Variants in SGCD observed in about 807,000 individuals in gnomAD.
SGCD encodes delta-sarcoglycan.
Under a neutral mutation model 36.6 loss-of-function variants are expected in SGCD, and 18 were observed. The observed-to-expected ratio is 0.49, with a 90% CI of 0.34 to 0.73. The LOEUF (loss-of-function observed/expected upper bound fraction) is 0.73. Among genes scored for constraint, SGCD ranks in the 30% least tolerant of loss-of-function variants. The pLI is 0.01. For synonymous variants in SGCD, 133 were observed against 130.6 expected (o/e 1.02, Z -0.12); for missense variants, 387 against 346.7 (o/e 1.12, Z -0.92).
At chr5:155,806,364 A>G in the SGCD span, among the ~76,000 whole-genome samples, 1 of 152,172 alleles carries the variant, frequency 6.6e-6, no homozygotes, top group Non-Finnish European at 1.5e-5. Flanking sequence ...CATTTTGGCC[A>G]GGCTGGTCTT....
chr5:156,261,432 T>G (rs1425283890), intron 3 of SGCD, among the ~76,000 whole-genome samples: 1 of 152,302 alleles, frequency 6.6e-6, no homozygotes, highest in East Asian at 1.9e-4. Flanking sequence ...AGATTATAAA[T>G]GGAGATGAAA....
chr5:156,197,510 A>G (rs959920069), intron 3 of SGCD, among the ~76,000 whole-genome samples: 6 of 140,322 alleles, frequency 4.3e-5, no homozygotes, highest in Middle Eastern at 3.7e-3. Flanking sequence ...TGGCCTTTAT[A>G]GCTCACAGTA....
chr5:155,842,127 G>A, the SGCD span, among the ~76,000 whole-genome samples: 2 of 152,054 alleles, frequency 1.3e-5, no homozygotes, highest in South Asian at 2.1e-4. Context: ...GGAAGAAAGC[G>A]AGAAAGATGC....
chr5:156,620,992 TA>T (rs1220574815), intron 6 of SGCD, among the ~76,000 whole-genome samples: 4 of 152,220 alleles, frequency 2.6e-5, no homozygotes, highest in Non-Finnish European at 4.4e-5. Flanking sequence ...TCTCATGGTT[TA>T]AAAATGAAAG....
At chr5:156,328,347 A>T (rs1472528969) in intron 1 of SGCD, among the ~76,000 whole-genome samples, 2 of 152,208 alleles carry the variant, frequency 1.3e-5, no homozygotes, top group Non-Finnish European at 2.9e-5. Context: ...GTTTTTTCCG[A>T]ACGGGGCTTG....
Position 156,682,049 on chromosome 5 carries a change from A to T in SGCD, c.575+34513A>T, listed in dbSNP as rs533344675. ...TGGATTTAATGAAAACCTGCTTAGA[A>T]TCTATATAAAAAGGGTAAAAATTGA... On this transcript the variant is annotated intron_variant, in intron 7 of 8. Transcript: ENST00000337851. Among the ~76,000 whole-genome samples the T allele has an allele frequency of 2.9e-4, 44 of 152,352 alleles. 1 individual carries two copies. In the South Asian group the frequency reaches 9.1e-3, roughly 32 times the overall value.
chr5:156,005,210 A>G (rs1465900018), intron 1 of SGCD, among the ~76,000 whole-genome samples: 1 of 152,118 alleles, frequency 6.6e-6, no homozygotes. Flanking sequence ...GTTGAGAAGG[A>G]TCCCGATACT....
chr5:156,384,661 G>T (rs7702643), intron 3 of SGCD, among the ~76,000 whole-genome samples: 1 of 134,704 alleles, frequency 7.4e-6, no homozygotes, highest in Non-Finnish European at 1.6e-5. Flanking sequence ...ATCTCAAAAA[G>T]ATGTGCATTT....
chr5:156,158,593 A>G (rs1763017103), intron 3 of SGCD, among the ~76,000 whole-genome samples: 1 of 151,482 alleles, frequency 6.6e-6, no homozygotes, highest in Non-Finnish European at 1.5e-5. Context: ...GGCCACACCC[A>G]ACCAGGGATG....
chr5:156,726,213 T>TTA lies in SGCD; in HGVS notation c.576-31366_576-31365dup, dbSNP rs1311958626. Reference sequence around the variant, plus strand: ...TCAGAGACCTTGCCTATTACAATAATTATGAGGAGGGTCAGCCTCAGACCC... The same window carrying TTA: ...TCAGAGACCTTGCCTATTACAATAATTATATGAGGAGGGTCAGCCTCAGACCC... On this transcript the variant is annotated intron_variant, in intron 7 of 8. Coordinates refer to ENST00000337851, the MANE Select transcript of SGCD (RefSeq NM_000337.6). Among the ~76,000 whole-genome samples the TTA allele has an allele frequency of 2.6e-5, 4 of 152,212 alleles. No individual in the cohort carries two copies. The East Asian group carries it at 5.8e-4, about 22-fold the overall frequency.
At position 156,212,780 on chromosome 5, in the gene SGCD, T is replaced by C. The variant is rs536334777; in HGVS notation, c.-44+88761T>C. Among the ~76,000 whole-genome samples, 135 of 152,212 alleles carry C rather than the reference T, an allele frequency of 8.9e-4. 1 individual carries two copies. Among genetic ancestry groups the C allele is most frequent in the Non-Finnish European group, 1.2e-3 (84 of 67,936 alleles). ...GCAAGTCTTAATGCATTTAAGAAGA[T>C]TGAAATTCTATCAAGTATTATTTTC... On this transcript the variant is annotated intron_variant, in intron 3 of 9. Coordinates refer to the SGCD transcript ENST00000517913.
At chr5:156,038,648 C>T (rs762042376) in intron 1 of SGCD, among the ~76,000 whole-genome samples, 45 of 151,738 alleles carry the variant, frequency 3.0e-4, no homozygotes, top group Non-Finnish European at 5.0e-4. Context: ...TTTCTCTTTA[C>T]GAGTCAAGAA....
intron 3 of SGCD, among the ~76,000 whole-genome samples, chr5:156,441,147 G>A (rs889791190): frequency 7.9e-5 from 12 of 152,052 alleles, no homozygotes; most frequent in Admixed American, 5.2e-4. Context: ...GAGTGGCTTT[G>A]GAGCAGCATC....
chr5:156,136,603 T>C (rs1762464415), intron 3 of SGCD, among the ~76,000 whole-genome samples: 1 of 152,296 alleles, frequency 6.6e-6, no homozygotes, highest in East Asian at 1.9e-4. Context: ...ATGATTTTAA[T>C]TTCATTCCTC....
chr5:155,801,284 C>A, the SGCD span, among the ~76,000 whole-genome samples: 1 of 152,168 alleles, frequency 6.6e-6, no homozygotes, highest in African/African-American at 2.4e-5. Context: ...TTAAACCTCT[C>A]CTACCACCCC....
chr5:156,633,286 A>C (rs1762704135), intron 6 of SGCD, among the ~76,000 whole-genome samples: 1 of 152,218 alleles, frequency 6.6e-6, no homozygotes, highest in Non-Finnish European at 1.5e-5. Context: ...CTGATTGGTC[A>C]GGTGTAGACA....
At chr5:156,537,476 C>CACACA (rs1205072779) in intron 4 of SGCD, among the ~76,000 whole-genome samples, 1 of 149,436 alleles carries the variant, frequency 6.7e-6, no homozygotes, top group Non-Finnish European at 1.5e-5. Flanking sequence ...CACACACACA[C>CACACA]ACACACACAC....
At position 156,657,851 on chromosome 5, in the gene SGCD, C is replaced by T. The variant is rs1282419356; in HGVS notation, c.575+10315C>T. Among the ~76,000 whole-genome samples, 22 of 125,206 alleles carry T rather than the reference C, an allele frequency of 1.8e-4. No homozygotes were observed. The South Asian group carries it at 2.6e-3, about 15-fold the overall frequency. 82.1% of individuals were successfully genotyped at this position (125,206 alleles called of 152,430 possible). A position where few individuals can be genotyped will look rare whatever the true frequency, so the allele number is the denominator to read the frequency against. On this transcript the variant is annotated intron_variant, in intron 7 of 8. Coordinates refer to ENST00000337851, the MANE Select transcript of SGCD (RefSeq NM_000337.6). ...CCAGCGTTCAGCATATGGAGGATCC[C>T]GCCAGCCTCTGAGTTCCCTTAGTAT...
At chr5:156,007,118 A>G (rs1423728362) in intron 1 of SGCD, among the ~76,000 whole-genome samples, 1 of 152,106 alleles carries the variant, frequency 6.6e-6, no homozygotes, top group African/African-American at 2.4e-5. Context: ...ATTCCGCAGG[A>G]TCCTCTAGAC....
Sources: gnomAD v4.1 joint callset for allele counts (sites outside exome capture counted in the v4.1 genomes callset) on GRCh38, gnomAD v4.1.1 for gene constraint, MANE v1.5 for transcripts, NCBI Gene and HGNC (gene_info 2026-07-23, HGNC 2026-07-21) for gene names.